Variants in ORMDL1 observed in about 807,000 individuals in gnomAD.
ORMDL1 encodes the protein ORM1-like protein 1.
A neutral mutation model predicts 13.0 loss-of-function variants in ORMDL1; 10 were observed. The ratio of observed to expected loss-of-function variants is 0.77; its 90% CI spans 0.47 to 1.30. ORMDL1 has a LOEUF of 1.30. ORMDL1 is among the 50% of genes most tolerant of loss of function. The pLI is 0.00. For missense variants in ORMDL1, 171 were observed against 186.7 expected (o/e 0.92, Z 0.49); for synonymous variants, 61 against 63.9 (o/e 0.95, Z 0.22).
At chr2:189,779,820 C>G (rs1434904371) in intron 3 of ORMDL1, among the ~76,000 whole-genome samples, 1 of 152,162 alleles carries the variant, frequency 6.6e-6, no homozygotes, top group Non-Finnish European at 1.5e-5. Flanking sequence ...AGACAGTGCT[C>G]TGAGCAAATG....
intron 3 of ORMDL1, among the ~76,000 whole-genome samples, chr2:189,780,142 T>C (rs1360423222): frequency 6.6e-6 from 1 of 152,236 alleles, no homozygotes; most frequent in Non-Finnish European, 1.5e-5. Context: ...ATATACATCA[T>C]ACACACACAG....
intron 3 of ORMDL1, 28 bp downstream of exon 3, chr2:189,782,394 A>C: frequency 1.9e-6 from 3 of 1,568,238 alleles, no homozygotes; most frequent in Non-Finnish European, 2.6e-6. Context: ...AAAACTTTTA[A>C]GTGTTTAGTA....
At chr2:189,770,210 TAAAG>T (rs1371590334), downstream of ORMDL1, 1 of 152,150 alleles carries the variant, frequency 6.6e-6, no homozygotes, top group African/African-American at 2.4e-5. Context: ...AACTTTAAAA[TAAAG>T]AAAAATGAAT....
chr2:189,764,561 T>G, the ORMDL1 span: 1 of 152,206 alleles, frequency 6.6e-6, no homozygotes, highest in Non-Finnish European at 1.5e-5. Context: ...GATATACATT[T>G]TTTATGTTCT....
chr2:189,774,167 T>C (rs1056818020), intron 4 of ORMDL1: 1 of 152,358 alleles, frequency 6.6e-6, no homozygotes, highest in Admixed American at 6.5e-5. Context: ...CATTCACTTA[T>C]TTATTTAATA....
chr2:189,773,769 G>A (rs1389110442), intron 4 of ORMDL1: 2 of 149,170 alleles, frequency 1.3e-5, no homozygotes, highest in Non-Finnish European at 3.0e-5. Context: ...ACACCTACCT[G>A]ACAAATAATC....
At chr2:189,776,510 C>T (rs894636099) in intron 3 of ORMDL1, among the ~76,000 whole-genome samples, 1 of 152,112 alleles carries the variant, frequency 6.6e-6, no homozygotes, top group Non-Finnish European at 1.5e-5. Context: ...GCTTGAGGCA[C>T]TTTATGTAAA....
In ORMDL1 at chr2:189,774,250, C is replaced by G. The variant is rs75464391; in HGVS notation, c.326+1315G>C. 1.4e-3 allele frequency among the ~76,000 whole-genome samples: 207 copies of G among 152,306 alleles called. 6 individuals are homozygous for G. The East Asian group carries it at 0.03, about 22-fold the overall frequency. On this transcript the variant is annotated intron_variant, in intron 4 of 4. Coordinates refer to ENST00000392349, the MANE Select transcript of ORMDL1 (RefSeq NM_016467.5). ...ACAGCTCACTGCAGCCTCTTAACTC[C>G]TAGGCTCAAACCATCTTCCTGCCTC...
At chr2:189,773,032 C>G (rs1292528088) in intron 4 of ORMDL1, among the ~76,000 whole-genome samples, 2 of 152,124 alleles carry the variant, frequency 1.3e-5, no homozygotes, top group Non-Finnish European at 2.9e-5. Flanking sequence ...TTTATACTTC[C>G]TTTACTGAAC....
chr2:189,775,435 G>C, intron 4 of ORMDL1, 130 bp downstream of exon 4: 1 of 985,878 alleles, frequency 1.0e-6, no homozygotes, highest in Non-Finnish European at 1.4e-6. Context: ...TATATTTTAT[G>C]TTCTATCCGA....
At chr2:189,771,981 A>C (rs1482289218) in intron 4 of ORMDL1, 79 bp from the exon 5 acceptor site, 1 of 1,101,976 alleles carries the variant, frequency 9.1e-7, no homozygotes, top group East Asian at 3.0e-5. Flanking sequence ...TAAAGGTAGA[A>C]AAAAAGGCCA....
At chr2:189,782,992 A>C in intron 2 of ORMDL1, 22 bp downstream of exon 2, 1 of 167,520 alleles carries the variant, frequency 6.0e-6, no homozygotes, top group Non-Finnish European at 1.3e-5. Flanking sequence ...AATTTATATT[A>C]AAAAGAAAAA....
At chr2:189,766,869 G>A (rs2047491845), downstream of ORMDL1, among the ~76,000 whole-genome samples, 1 of 152,138 alleles carries the variant, frequency 6.6e-6, no homozygotes, top group South Asian at 2.1e-4. Flanking sequence ...GTCATTTTGT[G>A]ACTGACTTAT....
At chr2:189,779,664 G>A (rs1318971610) in intron 3 of ORMDL1, among the ~76,000 whole-genome samples, 1 of 152,138 alleles carries the variant, frequency 6.6e-6, no homozygotes, top group Non-Finnish European at 1.5e-5. Flanking sequence ...TATGACTTGA[G>A]CAAACATGCA....
chr2:189,763,920 T>TA, the ORMDL1 span: 2 of 152,248 alleles, frequency 1.3e-5, no homozygotes, highest in African/African-American at 2.4e-5. Flanking sequence ...TGTGTAACAA[T>TA]AATGATAAAG....
chr2:189,782,721 G>T, intron 2 of ORMDL1, 119 bp from the exon 3 acceptor site: 1 of 840,524 alleles, frequency 1.2e-6, no homozygotes, highest in Non-Finnish European at 1.9e-6. Flanking sequence ...CTTTGAAGTA[G>T]CACACAAACA....
intron 3 of ORMDL1, 152 bp downstream of exon 3, chr2:189,782,270 C>G (rs1325299561): frequency 1.6e-6 from 1 of 619,096 alleles, no homozygotes; most frequent in East Asian, 2.8e-5. Flanking sequence ...CAATCATCAC[C>G]ATTACCATCC....
At chr2:189,776,757 G>C (rs1197274632) in intron 3 of ORMDL1, among the ~76,000 whole-genome samples, 1 of 152,136 alleles carries the variant, frequency 6.6e-6, no homozygotes, top group Non-Finnish European at 1.5e-5. Context: ...ATGGAGGAAA[G>C]GACTCATGTT....
Position 189,771,856 on chromosome 2 carries a change from T to A in ORMDL1, c.373A>T (p.Ile125Phe). The A allele has an allele frequency of 1.2e-6, 2 of 1,609,230 alleles. No homozygotes were observed. Among genetic ancestry groups the A allele is most frequent in the South Asian group, 2.2e-5 (2 of 90,768 alleles). The change falls in exon 5 of 5, where the codon ATC becomes TTC. Residue 125 changes from isoleucine (I) to phenylalanine (F), a missense_variant. Coordinates refer to ENST00000392349, the MANE Select transcript of ORMDL1 (RefSeq NM_016467.5). ...CTCAGGAGAGAAGCTGTGTTTAGGATGAAGTGAGTTGGATCATACTTCGTA... is the reference window on the plus strand; with the variant it reads ...CTCAGGAGAGAAGCTGTGTTTAGGAAGAAGTGAGTTGGATCATACTTCGTA... ...FYTKYDPTHF[I>F]LNTASLLSVL...
Sources: gnomAD v4.1 joint callset for allele counts (sites outside exome capture counted in the v4.1 genomes callset) on GRCh38, gnomAD v4.1.1 for gene constraint, MANE v1.5 for transcripts, NCBI Gene and HGNC (gene_info 2026-07-23, HGNC 2026-07-21) for gene names.